RHOQ: variants seen among roughly 807,000 people sequenced by gnomAD.
RHOQ encodes ras homolog family member Q, also known as rho-related GTP-binding protein RhoQ.
RHOQ carries 7 observed loss-of-function variants against 25.8 expected under a neutral mutation model. The observed-to-expected ratio is 0.27, with a 90% confidence interval of 0.15 to 0.51. RHOQ has a LOEUF of 0.51. RHOQ is among the 20% of genes least tolerant of loss of function. The pLI, the probability that RHOQ is intolerant of heterozygous loss-of-function variation, is 0.97. For synonymous variants in RHOQ, 97 were observed against 98.6 expected (o/e 0.98, Z 0.10); for missense variants, 165 against 260.6 (o/e 0.63, Z 2.53).
Position 46,543,087 on chromosome 2 carries a change from T to A in RHOQ, c.41T>A (p.Val14Glu). Residue 14 changes from valine to glutamate, a missense_variant, in exon 1 of 5, where the codon GTG becomes GAG. Transcript: ENST00000238738. ...GGCGCGCTGATGCTCAAGTGCGTGG[T>A]GGTCGGCGACGGGGCGGTGGGCAAG... Reference protein sequence around the residue: ...GPGALMLKCVVVGDGAVGKTC... With the variant: ...GPGALMLKCVEVGDGAVGKTC... 1.2e-6 allele frequency: 2 copies of A among 1,608,728 alleles called. No homozygotes were observed. Among genetic ancestry groups the A allele is most frequent in the Non-Finnish European group, 1.7e-6 (2 of 1,177,998 alleles).
At chr2:46,579,415 G>T (rs1669262287) in intron 4 of RHOQ, among the ~76,000 whole-genome samples, 1 of 152,152 alleles carries the variant, frequency 6.6e-6, no homozygotes, top group Non-Finnish European at 1.5e-5. Context: ...TCTCCAGCCT[G>T]GACCTCTTTC....
chr2:46,580,673 C>T lies in RHOQ; in HGVS notation c.463-255C>T, dbSNP rs1369008986. The T allele has an allele frequency of 1.0e-5, 3 of 298,766 alleles. No individual in the cohort carries two copies. The Admixed American group carries it at 1.5e-4, about 15-fold the overall frequency. The allele number at this position is 298,766 out of a possible 1,614,324, so 18.5% of individuals were successfully genotyped here. Reference sequence around the variant, plus strand: ...TCTTTCGTTCAGTTCACTGACATATCCCCAGGACCTAAACAGTGCTTGACA... The same window carrying T: ...TCTTTCGTTCAGTTCACTGACATATTCCCAGGACCTAAACAGTGCTTGACA... On this transcript the variant is annotated intron_variant, in intron 4 of 4. Transcript: ENST00000238738.
At position 46,552,792 on chromosome 2, in the gene RHOQ, A is replaced by G. The variant is rs577003309; in HGVS notation, c.201+8980A>G. On this transcript the variant is annotated intron_variant, in intron 2 of 4. Transcript: ENST00000238738. The surrounding 1 kb of genome is among the most constrained non-coding windows in gnomAD (Gnocchi z 5.0). ...GCACAGGCCTGGCCCCCAGAGGCACAGTGTTTTGAAGGGTAGGTCAACCAT... is the reference window on the plus strand; with the variant it reads ...GCACAGGCCTGGCCCCCAGAGGCACGGTGTTTTGAAGGGTAGGTCAACCAT... 7.7e-4 allele frequency among the ~76,000 whole-genome samples: 117 copies of G among 152,344 alleles called. 1 individual carries two copies. Among genetic ancestry groups the G allele is most frequent in the African/African-American group, 2.7e-3 (114 of 41,580 alleles).
chr2:46,581,405 T>A lies in RHOQ; in HGVS notation c.*322T>A. The stretch of plus-strand genomic sequence containing the variant: ...AAAACAGAGCTGTAAATGGAACTGC[T>A]TGGCTTTGACCATACACATTTCTGC... On this transcript the variant is annotated 3_prime_UTR_variant, in exon 5 of 5. Transcript: ENST00000238738. The A allele has an allele frequency of 6.4e-7, 1 of 1,554,058 alleles. No homozygotes were observed.
At chr2:46,561,167 A>G (rs1282230102) in intron 2 of RHOQ, among the ~76,000 whole-genome samples, 1 of 151,704 alleles carries the variant, frequency 6.6e-6, no homozygotes, top group Non-Finnish European at 1.5e-5. Context: ...TTTGATATAT[A>G]TGTGTGTGTA....
intron 2 of RHOQ, among the ~76,000 whole-genome samples, chr2:46,559,021 T>C (rs1393608512): frequency 1.3e-5 from 2 of 152,220 alleles, no homozygotes; most frequent in Non-Finnish European, 2.9e-5. Flanking sequence ...TGGTGTGATC[T>C]AGGCTCACTG....
rs562682317 is a variant in RHOQ at position 46,548,092 on chromosome 2, A to G, written c.201+4280A>G. 9.8e-5 allele frequency among the ~76,000 whole-genome samples: 15 copies of G among 152,318 alleles called. No individual in the cohort carries two copies. The East Asian group carries it at 2.9e-3, about 29-fold the overall frequency. On this transcript the variant is annotated intron_variant, in intron 2 of 4. Transcript: ENST00000238738. The surrounding 1 kb of genome is among the most constrained non-coding windows in gnomAD (Gnocchi z 5.2). ...CCACTGTCTCAGTGTGTGGAAGTCA[A>G]TTTGTGTGCTTTGGGATGTATTGTT... is the stretch of plus-strand genomic sequence containing the variant.
chr2:46,555,289 T>C lies in RHOQ; in HGVS notation c.201+11477T>C, dbSNP rs886808519. 2.6e-5 allele frequency among the ~76,000 whole-genome samples: 4 copies of C among 152,242 alleles called. No individual in the cohort carries two copies. Among genetic ancestry groups the C allele is most frequent in the South Asian group, 2.1e-4 (1 of 4,836 alleles). On this transcript the variant is annotated intron_variant, in intron 2 of 4. Transcript: ENST00000238738. This position sits in a 1 kb window ranked among gnomAD's most constrained non-coding sequence, Gnocchi z 4.3. ...CAGGCTGCACTCTAGCATTTGGTTT[T>C]ATTCATGTGTAAATCTTTGCTCCCC...
intron 2 of RHOQ, among the ~76,000 whole-genome samples, chr2:46,574,336 C>CT (rs11349816): frequency 8.4e-4 from 120 of 142,388 alleles, no homozygotes; most frequent in East Asian, 1.0e-3. Context: ...CATACTGTTT[C>CT]TTTTTTTTTT....
At chr2:46,559,849 G>A (rs1267909231) in intron 2 of RHOQ, among the ~76,000 whole-genome samples, 2 of 152,166 alleles carry the variant, frequency 1.3e-5, no homozygotes, top group Non-Finnish European at 2.9e-5. Flanking sequence ...TCTTCTGCCC[G>A]AGGGATTCAT....
chr2:46,554,784 T>C (rs1481714680), intron 2 of RHOQ, among the ~76,000 whole-genome samples: 1 of 148,526 alleles, frequency 6.7e-6, no homozygotes, highest in Non-Finnish European at 1.5e-5. Context: ...TTTTTTTCTT[T>C]CTTTCTTTTT....
chr2:46,554,589 T>A (rs958665671), intron 2 of RHOQ, among the ~76,000 whole-genome samples: 1 of 152,190 alleles, frequency 6.6e-6, no homozygotes, highest in Non-Finnish European at 1.5e-5. Flanking sequence ...AAGCATCAGA[T>A]GGGCAATGAC....
intron 2 of RHOQ, among the ~76,000 whole-genome samples, chr2:46,562,687 G>A (rs1248447076): frequency 6.6e-6 from 1 of 152,170 alleles, no homozygotes; most frequent in African/African-American, 2.4e-5. Context: ...CAAAGCCCAT[G>A]TGCATTTGAC....
rs964183338 is a variant in RHOQ, at chr2:46,584,449, A to G, written c.*3366A>G. 1.3e-5 allele frequency among the ~76,000 whole-genome samples: 2 copies of G among 152,170 alleles called. No individual in the cohort carries two copies. The highest frequency in any genetic ancestry group is 4.8e-5 in the African/African-American group (2 of 41,438). On this transcript the variant is annotated 3_prime_UTR_variant, in exon 5 of 5. Coordinates refer to ENST00000238738, the MANE Select transcript of RHOQ (RefSeq NM_012249.4). ...ATTCCAATTTGGGTTACTAAATTGT[A>G]TTTTAATCATTTTGTAATTTCAGTA...
chr2:46,579,458 C>T (rs1271407022), intron 4 of RHOQ, among the ~76,000 whole-genome samples: 2 of 152,218 alleles, frequency 1.3e-5, no homozygotes, highest in Non-Finnish European at 2.9e-5. Context: ...CAGCTGTTTA[C>T]TCAACAAGTC....
chr2:46,564,709 C>T (rs528657470), intron 2 of RHOQ, among the ~76,000 whole-genome samples: 3 of 152,272 alleles, frequency 2.0e-5, no homozygotes, highest in Admixed American at 6.5e-5. Flanking sequence ...TGCTTGGCTG[C>T]GTGTTGCCTT....
intron 2 of RHOQ, chr2:46,560,434 CAT>C: frequency 2.9e-6 from 1 of 349,114 alleles, no homozygotes; most frequent in Non-Finnish European, 5.8e-6. Context: ...TAGTTAGAAA[CAT>C]AAATATGAAG....
intron 1 of RHOQ, 65 bp from the exon 2 acceptor site, chr2:46,543,689 C>A: frequency 6.8e-7 from 1 of 1,476,846 alleles, no homozygotes; most frequent in Non-Finnish European, 9.4e-7. Flanking sequence ...GGGTGGGGAG[C>A]GAAATTGCCC....
chr2:46,552,310 C>T lies in RHOQ; in HGVS notation c.201+8498C>T, dbSNP rs1668268785. Among the ~76,000 whole-genome samples, 1 of 152,118 alleles carries T rather than the reference C, an allele frequency of 6.6e-6. No homozygotes were observed. The highest frequency in any genetic ancestry group is 2.4e-5 in the African/African-American group (1 of 41,412). On this transcript the variant is annotated intron_variant, in intron 2 of 4. Transcript: ENST00000238738. The surrounding 1 kb of genome is among the most constrained non-coding windows in gnomAD (Gnocchi z 5.0). ...CGCTGATGGCCCCATTGCTCAAGTA[C>T]GTGTGGAAGAAGCTCATGCCATTTG...
Sources: allele counts gnomAD v4.1 joint callset (sites outside exome capture counted in the v4.1 genomes callset), GRCh38; gene constraint gnomAD v4.1.1; non-coding constraint Gnocchi (gnomAD v3.1); transcripts MANE v1.5; gene names NCBI Gene and HGNC (gene_info 2026-07-23, HGNC 2026-07-21).